Variants in PCDH15 observed in about 807,000 individuals in gnomAD.
PCDH15 encodes the protein protocadherin related 15, also known as protocadherin-15.
Under a neutral mutation model 178.5 loss-of-function variants are expected in PCDH15, and 129 were observed. That is an observed-to-expected ratio of 0.72 (90% CI 0.63 to 0.84). The LOEUF (loss-of-function observed/expected upper bound fraction) is 0.84. Ranked by LOEUF, PCDH15 falls within the 40% of genes least tolerant of loss-of-function variation. The pLI is 0.00. For synonymous variants in PCDH15, 800 were observed against 732.0 expected (o/e 1.09, Z -1.50); for missense variants, 2,230 against 2,099.9 (o/e 1.06, Z -1.21).
intron 2 of PCDH15, among the ~76,000 whole-genome samples, chr10:54,933,318 G>A (rs1380013984): frequency 1.3e-5 from 2 of 152,074 alleles, no homozygotes; most frequent in Non-Finnish European, 2.9e-5. Context: ...TGATGGGTCT[G>A]CTGATTGTGA....
At chr10:54,664,931 A>C (rs2135429621) in intron 1 of PCDH15, among the ~76,000 whole-genome samples, 1 of 151,818 alleles carries the variant, frequency 6.6e-6, no homozygotes, top group African/African-American at 2.4e-5. Context: ...AAAAAGAAAG[A>C]AAACAACTGA....
At chr10:54,802,926 C>A (rs1414393239), upstream of PCDH15, among the ~76,000 whole-genome samples, 1 of 152,146 alleles carries the variant, frequency 6.6e-6, no homozygotes, top group East Asian at 1.9e-4. Context: ...TAATTGAACA[C>A]TTGTCAATGA....
intron 3 of PCDH15, among the ~76,000 whole-genome samples, chr10:54,385,031 A>T (rs1949746971): frequency 6.6e-6 from 1 of 152,102 alleles, no homozygotes; most frequent in African/African-American, 2.4e-5. Context: ...TCATTTTTTG[A>T]GTTTCTGGTT....
chr10:54,166,720 C>T (rs140734661), intron 13 of PCDH15, among the ~76,000 whole-genome samples: 70 of 152,280 alleles, frequency 4.6e-4, no homozygotes, highest in African/African-American at 1.6e-3. Context: ...TCCCCTGTGA[C>T]TTGCACTTAT....
Position 55,418,994 on chromosome 10 carries a change from A to G in PCDH15, c.-156+208631T>C, listed in dbSNP as rs572709655. Among the ~76,000 whole-genome samples, 54 of 151,924 alleles carry G rather than the reference A, an allele frequency of 3.6e-4. 1 individual carries two copies. Among genetic ancestry groups the G allele is most frequent in the African/African-American group, 3.4e-4 (14 of 41,524 alleles). On this transcript the variant is annotated intron_variant, in intron 2 of 5. Coordinates refer to the PCDH15 transcript ENST00000613346. Reference sequence around the variant, plus strand: ...TATCTACGTATTATATTTGTTTTATAAGGTTGAATTAAAAGTGTGACAAAA... The same window carrying G: ...TATCTACGTATTATATTTGTTTTATGAGGTTGAATTAAAAGTGTGACAAAA...
Position 54,023,014 on chromosome 10 carries a change from T to G in PCDH15, c.2404A>C (p.Thr802Pro). 1 of 1,613,918 alleles carries G rather than the reference T, an allele frequency of 6.2e-7. No homozygotes were observed. The highest frequency in any genetic ancestry group is 2.2e-5 in the East Asian group (1 of 44,856). ...AAAACCTTGATGGCCAAGGTTAGAGTTGAATGACGAGGGTGTACTGCTCCA... is the reference window on the plus strand; with the variant it reads ...AAAACCTTGATGGCCAAGGTTAGAGGTGAATGACGAGGGTGTACTGCTCCA... The part of the protein sequence containing the change: ...TDGAVHPRHS[T>P]LTLAIKVLDI... Residue 802 changes from threonine to proline, a missense_variant, in exon 19 of 38, where the codon ACT becomes CCT. By Grantham distance (38) the Thr-to-Pro change is conservative. Coordinates refer to ENST00000644397, the MANE Select transcript of PCDH15 (RefSeq NM_001384140.1).
intron 2 of PCDH15, among the ~76,000 whole-genome samples, chr10:55,056,184 T>A (rs1841296271): frequency 6.6e-6 from 1 of 152,114 alleles, no homozygotes; most frequent in Non-Finnish European, 1.5e-5. Context: ...CTCTATTAAC[T>A]TTCCACTGTA....
At chr10:55,539,860 A>G (rs1191426057) in intron 2 of PCDH15, among the ~76,000 whole-genome samples, 1 of 152,118 alleles carries the variant, frequency 6.6e-6, no homozygotes, top group African/African-American at 2.4e-5. Flanking sequence ...ATTACGACCC[A>G]GGTACTCTTG....
intron 3 of PCDH15, among the ~76,000 whole-genome samples, chr10:54,438,163 C>T (rs2075549070): frequency 6.6e-6 from 1 of 151,718 alleles, no homozygotes; most frequent in East Asian, 1.9e-4. Flanking sequence ...ACAGGAAGAC[C>T]TGTGGTTGTT....
intron 2 of PCDH15, among the ~76,000 whole-genome samples, chr10:55,398,762 T>C (rs148674524): frequency 0.012 from 1,834 of 152,242 alleles, 40 homozygotes; most frequent in African/African-American, 0.04. Context: ...TCGCCAAGTA[T>C]TGGGGTTTTT....
chr10:54,467,601 GT>G (rs67776985), intron 3 of PCDH15, among the ~76,000 whole-genome samples: 6,338 of 46,024 alleles, frequency 0.14, 57 homozygotes, highest in African/African-American at 0.18. Flanking sequence ...TCAAGCTGTA[GT>G]TTTTTTTTTT....
intron 11 of PCDH15, chr10:54,189,454 A>G: frequency 8.9e-7 from 1 of 1,122,788 alleles, no homozygotes; most frequent in South Asian, 2.0e-5. Flanking sequence ...ATGAAGAAAA[A>G]GCAAACCACT....
rs1363361103 is a variant in PCDH15 at position 54,459,048 on chromosome 10, C to T, written c.157+68764G>A. 2.6e-5 allele frequency among the ~76,000 whole-genome samples: 4 copies of T among 152,012 alleles called. No individual in the cohort carries two copies. In the South Asian group the frequency reaches 6.2e-4, roughly 24 times the overall value. ...GGGTTTTCTCTGGGTACTCTGGCTT[C>T]CTTTCCTATCTCAAAAATATGTCGT... On this transcript the variant is annotated intron_variant, in intron 3 of 37. Transcript: ENST00000644397.
intron 2 of PCDH15, among the ~76,000 whole-genome samples, chr10:55,048,339 T>C (rs1841066213): frequency 6.6e-6 from 1 of 151,802 alleles, no homozygotes; most frequent in Non-Finnish European, 1.5e-5. Flanking sequence ...AAACATATGG[T>C]CCAATGCATT....
At chr10:54,028,549 CAAT>C (rs1243617431) in intron 18 of PCDH15, among the ~76,000 whole-genome samples, 229 of 151,360 alleles carry the variant, frequency 1.5e-3, no homozygotes, top group African/African-American at 5.3e-3. Context: ...AAATGTCCAA[CAAT>C]GATAGACTGG....
At chr10:53,814,421 C>T (rs925800167) in intron 35 of PCDH15, among the ~76,000 whole-genome samples, 3 of 152,198 alleles carry the variant, frequency 2.0e-5, no homozygotes, top group South Asian at 2.1e-4. Flanking sequence ...GGGAAAATAA[C>T]GCTCAGCTCT....
intron 3 of PCDH15, among the ~76,000 whole-genome samples, chr10:54,525,725 C>G (rs1390406543): frequency 6.6e-6 from 1 of 152,172 alleles, no homozygotes; most frequent in African/African-American, 2.4e-5. Context: ...TCCCAAAATG[C>G]TGGGACTACA....
At chr10:55,533,658 C>A (rs1366176437) in intron 2 of PCDH15, among the ~76,000 whole-genome samples, 1 of 151,808 alleles carries the variant, frequency 6.6e-6, no homozygotes, top group African/African-American at 2.4e-5. Context: ...CTGTCCAAAG[C>A]AGTTTACAGA....
At chr10:54,002,621 A>C (rs1290284733) in intron 20 of PCDH15, among the ~76,000 whole-genome samples, 1 of 152,214 alleles carries the variant, frequency 6.6e-6, no homozygotes, top group Non-Finnish European at 1.5e-5. Context: ...TGATAAGAAA[A>C]TTGAAAACTT....
Sources: allele counts gnomAD v4.1 joint callset (sites outside exome capture counted in the v4.1 genomes callset), GRCh38; gene constraint gnomAD v4.1.1; transcripts MANE v1.5; gene names NCBI Gene and HGNC (gene_info 2026-07-23, HGNC 2026-07-21).